RBM14: variants seen among roughly 807,000 people sequenced by gnomAD.
RBM14 encodes RNA binding motif protein 14.
RBM14 carries 5 observed loss-of-function variants against 52.8 expected under a neutral mutation model. The ratio of observed to expected loss-of-function variants is 0.09; its 90% CI spans 0.05 to 0.20. RBM14 has a LOEUF of 0.20. RBM14 is among the 10% of genes least tolerant of loss of function. The pLI, the probability that RBM14 is intolerant of heterozygous loss-of-function variation, is 1.00. For synonymous variants in RBM14, 411 were observed against 401.8 expected (o/e 1.02, Z -0.28); for missense variants, 780 against 926.6 (o/e 0.84, Z 2.05).
Position 66,628,877 on chromosome 11 carries a change from C to T in RBM14, c.*2209C>T, listed in dbSNP as rs992890045. ...ATCCCTTGGTTCCTGCAAAAAACAG[C>T]TAAATGTGCTCTCAGGGCCAGTGGT... is the stretch of plus-strand genomic sequence containing the variant. On this transcript the variant is annotated 3_prime_UTR_variant, in exon 3 of 3. Coordinates refer to ENST00000310137, the MANE Select transcript of RBM14 (RefSeq NM_006328.4). 2.0e-5 allele frequency among the ~76,000 whole-genome samples: 3 copies of T among 152,168 alleles called. No individual in the cohort carries two copies. The highest frequency in any genetic ancestry group is 7.2e-5 in the African/African-American group (3 of 41,432).
intron 1 of RBM14, chr11:66,623,875 TTTG>T: frequency 1.4e-6 from 1 of 717,604 alleles, no homozygotes. Flanking sequence ...CTTTCTGCAT[TTTG>T]TTCTGCTGGT....
intron 1 of RBM14, 130 bp downstream of exon 1, chr11:66,617,187 G>T: frequency 6.9e-7 from 1 of 1,447,812 alleles, no homozygotes; most frequent in Non-Finnish European, 9.0e-7. Context: ...CAGGTCGGAG[G>T]TGTTGGGGGC....
Position 66,616,732 on chromosome 11 carries a change from C to T in RBM14, c.12C>T (p.Phe4=). The T allele has an allele frequency of 1.9e-6, 3 of 1,592,954 alleles. No individual in the cohort carries two copies. The change falls in exon 1 of 3, where the codon TTC becomes TTT. Residue 4 remains phenylalanine, a synonymous_variant. Transcript: ENST00000310137. MKI[F]VGNVDGADTT... ...GCTGCGGCGACAAAATGAAGATATT[C>T]GTGGGCAACGTCGACGGGGCGGATA...
intron 1 of RBM14, among the ~76,000 whole-genome samples, chr11:66,622,861 C>T (rs1859179926): frequency 6.6e-6 from 1 of 152,170 alleles, no homozygotes; most frequent in South Asian, 2.1e-4. Context: ...AGATAGCATC[C>T]TGGTACTTGG....
intron 1 of RBM14, among the ~76,000 whole-genome samples, chr11:66,622,732 T>G (rs1394620275): frequency 6.6e-6 from 1 of 152,234 alleles, no homozygotes; most frequent in Non-Finnish European, 1.5e-5. Context: ...AGCAGCTAGA[T>G]AAGGCATCCC....
chr11:66,625,372 G>T lies in RBM14; in HGVS notation c.1496G>T (p.Gly499Val), dbSNP rs1444308896. 13 of 1,610,944 alleles carry T rather than the reference G, an allele frequency of 8.1e-6. No homozygotes were observed. Among genetic ancestry groups the T allele is most frequent in the Non-Finnish European group, 1.0e-5 (12 of 1,178,940 alleles). The change falls in exon 2 of 3, where the codon GGT becomes GTT. Residue 499 changes from glycine to valine, a missense_variant. By Grantham distance (109) the Gly-to-Val change is moderately radical. Coordinates refer to ENST00000310137, the MANE Select transcript of RBM14 (RefSeq NM_006328.4). The surrounding 1 kb of genome is among the most constrained non-coding windows in gnomAD (Gnocchi z 4.2). ...QSAAAATGSY[G>V]AAAAYGAQPS... is the part of the protein sequence containing the mutation. ...GCTGCTGCGGCCACTGGCTCCTATGGTGCCGCAGCAGCCTACGGGGCCCAA... is the reference window on the plus strand; with the variant it reads ...GCTGCTGCGGCCACTGGCTCCTATGTTGCCGCAGCAGCCTACGGGGCCCAA...
At chr11:66,617,655 C>T (rs1411534369) in intron 1 of RBM14, 2 of 774,808 alleles carry the variant, frequency 2.6e-6, no homozygotes, top group Non-Finnish European at 3.1e-6. Flanking sequence ...GGGCCCCTTC[C>T]GAATCACTTT....
At chr11:66,626,370 C>T in intron 2 of RBM14, 91 bp from the exon 3 acceptor site, 1 of 1,260,642 alleles carries the variant, frequency 7.9e-7, no homozygotes, top group Non-Finnish European at 1.1e-6. Context: ...GTGATCACAC[C>T]CTCCCTGTCC....
rs1368156934 is a variant in RBM14 at position 66,629,830 on chromosome 11, G to A, written c.*3162G>A. Among the ~76,000 whole-genome samples the A allele has an allele frequency of 5.3e-5, 8 of 151,888 alleles. No individual in the cohort carries two copies. The highest frequency in any genetic ancestry group is 1.3e-4 in the Admixed American group (2 of 15,224). ...GTAGCTCACACCTGTAATTCCCAGC[G>A]CTTTGGGAATTTGAGGCAAGAGGAT... On this transcript the variant is annotated 3_prime_UTR_variant, in exon 3 of 3. Coordinates refer to ENST00000310137, the MANE Select transcript of RBM14 (RefSeq NM_006328.4).
In RBM14 at chr11:66,627,139, C is replaced by T. The variant is rs1937854995; in HGVS notation, c.*471C>T. 6.4e-6 allele frequency: 1 copy of T among 156,692 alleles called. No individual in the cohort carries two copies. The highest frequency in any genetic ancestry group is 1.4e-5 in the Non-Finnish European group (1 of 71,114). 9.7% of individuals were successfully genotyped at this position (156,692 alleles called of 1,614,324 possible). A position where few individuals can be genotyped will look rare whatever the true frequency, so the allele number is the denominator to read the frequency against. Reference sequence around the variant, plus strand: ...AGTCCAGGGTACCCTGACTGTCCCTCTGTAGACTGTTGAGACTGAGTTCCT... The same window carrying T: ...AGTCCAGGGTACCCTGACTGTCCCTTTGTAGACTGTTGAGACTGAGTTCCT... On this transcript the variant is annotated 3_prime_UTR_variant, in exon 3 of 3. Coordinates refer to ENST00000310137, the MANE Select transcript of RBM14 (RefSeq NM_006328.4).
In RBM14 at chr11:66,617,065, G is replaced by C. The variant is rs775138623; in HGVS notation, c.337+8G>C. The C allele has an allele frequency of 3.8e-6, 6 of 1,567,222 alleles. 1 individual carries two copies. The highest frequency in any genetic ancestry group is 4.3e-6 in the Non-Finnish European group (5 of 1,154,302). On this transcript the variant is annotated splice_region_variant and intron_variant, in intron 1 of 2. Transcript: ENST00000310137. Reference sequence around the variant, plus strand: ...AGTGTGACGTGGTGAAAGGTAACGCGGAGGCGCGCTCGGGGGCGGGGGCGC... The same window carrying C: ...AGTGTGACGTGGTGAAAGGTAACGCCGAGGCGCGCTCGGGGGCGGGGGCGC...
Position 66,627,525 on chromosome 11 carries a change from T to C in RBM14, c.*857T>C, listed in dbSNP as rs1298051298. 6.6e-6 allele frequency among the ~76,000 whole-genome samples: 1 copy of C among 152,190 alleles called. No homozygotes were observed. Among genetic ancestry groups the C allele is most frequent in the African/African-American group, 2.4e-5 (1 of 41,448 alleles). Reference sequence around the variant, plus strand: ...AGGATTTAGCTCATCGTCGTCCTGCTAGCCTGCCATCTTTCAGACTTTCCA... The same window carrying C: ...AGGATTTAGCTCATCGTCGTCCTGCCAGCCTGCCATCTTTCAGACTTTCCA... On this transcript the variant is annotated 3_prime_UTR_variant, in exon 3 of 3. Transcript: ENST00000310137.
At position 66,628,141 on chromosome 11, in the gene RBM14, G is replaced by T. The variant is rs1937899971; in HGVS notation, c.*1473G>T. ...GGTGGGGAATTGAGGACTCTTCTGT[G>T]CTTTTATTGTAGGGCTGGGGATCGA... On this transcript the variant is annotated 3_prime_UTR_variant, in exon 3 of 3. Transcript: ENST00000310137. Among the ~76,000 whole-genome samples the T allele has an allele frequency of 6.6e-6, 1 of 152,096 alleles. No individual in the cohort carries two copies.
rs773572436 is a variant in RBM14, at chr11:66,616,653, G to C, written c.-68G>C. 339 of 1,499,862 alleles carry C rather than the reference G, an allele frequency of 2.3e-4. No homozygotes were observed. The highest frequency in any genetic ancestry group is 3.0e-4 in the Non-Finnish European group (332 of 1,122,488). The allele number at this position is 1,499,862 out of a possible 1,614,324, so 92.9% of individuals were successfully genotyped here. On this transcript the variant is annotated 5_prime_UTR_variant, in exon 1 of 3. Coordinates refer to ENST00000310137, the MANE Select transcript of RBM14 (RefSeq NM_006328.4). ...CCATTCCTGAGGAGGACTGCCGGTC[G>C]TTCGGACGTCTTGCCTGTCGCTGGA...
chr11:66,626,688 A>G lies in RBM14; in HGVS notation c.*20A>G. 6.3e-7 allele frequency: 1 copy of G among 1,582,646 alleles called. No individual in the cohort carries two copies. Among genetic ancestry groups the G allele is most frequent in the Non-Finnish European group, 8.6e-7 (1 of 1,163,024 alleles). ...ATGTAGGGCCATCCTGGGATGGGGCACCACAGGGAGGGAGGGAGAAAAGAG... is the reference window on the plus strand; with the variant it reads ...ATGTAGGGCCATCCTGGGATGGGGCGCCACAGGGAGGGAGGGAGAAAAGAG... On this transcript the variant is annotated 3_prime_UTR_variant, in exon 3 of 3. Coordinates refer to ENST00000310137, the MANE Select transcript of RBM14 (RefSeq NM_006328.4).
In RBM14 at chr11:66,628,298, T is replaced by A. The variant is rs1442923579; in HGVS notation, c.*1630T>A. Among the ~76,000 whole-genome samples, 1 of 152,208 alleles carries A rather than the reference T, an allele frequency of 6.6e-6. No individual in the cohort carries two copies. The highest frequency in any genetic ancestry group is 3.4e-3 in the Middle Eastern group (1 of 292). On this transcript the variant is annotated 3_prime_UTR_variant, in exon 3 of 3. Coordinates refer to ENST00000310137, the MANE Select transcript of RBM14 (RefSeq NM_006328.4). ...TTACTGATGCTCTTTTGGGAAAAGG[T>A]GCTTTAAAGACTCGATTTGGGAGCC...
rs760457978 is a variant in RBM14, at chr11:66,625,032, G to T, written c.1156G>T (p.Ala386Ser). The T allele has an allele frequency of 6.2e-7, 1 of 1,613,626 alleles. No homozygotes were observed. The highest frequency in any genetic ancestry group is 8.5e-7 in the Non-Finnish European group (1 of 1,179,898). Residue 386 changes from alanine to serine, a missense_variant, in exon 2 of 3, where the codon GCC (alanine) becomes TCC (serine). Ala to Ser is a moderately conservative substitution (Grantham distance 99). This residue lies in a region of RBM14 where 675 missense variants were observed against 697.3 expected (regional missense o/e 0.97). Transcript: ENST00000310137. The surrounding 1 kb of genome is among the most constrained non-coding windows in gnomAD (Gnocchi z 4.2). ...SYGAQAASYG[A>S]QSAASSLAYG... ...CGGGGCTCAGGCAGCCTCCTATGGG[G>T]CCCAGTCTGCAGCCTCCTCACTAGC... is the stretch of plus-strand genomic sequence containing the variant.
At position 66,619,657 on chromosome 11, in the gene RBM14, C is replaced by T. The variant is rs553775152; in HGVS notation, c.337+2600C>T. ...TCTCGGCTCACTGCAAGCTCCGCCT[C>T]CTGGGTTCACGCCATTCTCCTGCCT... On this transcript the variant is annotated intron_variant, in intron 1 of 2. Coordinates refer to ENST00000310137, the MANE Select transcript of RBM14 (RefSeq NM_006328.4). 2.6e-3 allele frequency among the ~76,000 whole-genome samples: 400 copies of T among 152,032 alleles called. 2 individuals carry two copies. Among genetic ancestry groups the T allele is most frequent in the Non-Finnish European group, 4.1e-3 (280 of 67,980 alleles).
At chr11:66,626,033 A>C (rs1937789903) in intron 2 of RBM14, among the ~76,000 whole-genome samples, 1 of 152,188 alleles carries the variant, frequency 6.6e-6, no homozygotes, top group Non-Finnish European at 1.5e-5. Flanking sequence ...TGGCTTTGGC[A>C]GGGATGTGGG....
Sources: allele counts gnomAD v4.1 joint callset (sites outside exome capture counted in the v4.1 genomes callset), GRCh38; gene constraint gnomAD v4.1.1; regional missense constraint gnomAD v4.1.1; non-coding constraint Gnocchi (gnomAD v3.1); transcripts MANE v1.5; gene names NCBI Gene and HGNC (gene_info 2026-07-23, HGNC 2026-07-21).